The following PRICKLE2 variants were observed in gnomAD, a reference collection of about 807,000 sequenced individuals.
PRICKLE2 encodes prickle planar cell polarity protein 2, also known as prickle-like protein 2.
In PRICKLE2, 21 loss-of-function variants were observed where a neutral mutation model predicts 81.4. That is an observed-to-expected ratio of 0.26 (90% confidence interval 0.18 to 0.37). PRICKLE2 has a LOEUF of 0.37. Among genes scored for constraint, PRICKLE2 ranks in the 10% least tolerant of loss-of-function variants. The pLI is 1.00. For synonymous variants in PRICKLE2, 456 were observed against 421.5 expected (o/e 1.08, Z -1.00); for missense variants, 940 against 1,109.0 (o/e 0.85, Z 2.16).
intron 2 of PRICKLE2, among the ~76,000 whole-genome samples, chr3:64,244,162 C>G (rs696238): frequency 1.3e-5 from 2 of 152,140 alleles, no homozygotes; most frequent in African/African-American, 4.8e-5. Context: ...GGGAAGTTAC[C>G]GTATTTTGGC....
chr3:64,113,757 A>G (rs2076888425), intron 7 of PRICKLE2, among the ~76,000 whole-genome samples: 1 of 151,990 alleles, frequency 6.6e-6, no homozygotes, highest in Non-Finnish European at 1.5e-5. Context: ...CACAGAGAAC[A>G]GCGGACACCC....
intron 7 of PRICKLE2, among the ~76,000 whole-genome samples, chr3:64,131,286 T>G (rs188793026): frequency 5.9e-5 from 9 of 152,252 alleles, no homozygotes; most frequent in Admixed American, 5.2e-4. Flanking sequence ...TAGAAAGGGA[T>G]TTTTGAGGTA....
intron 7 of PRICKLE2, among the ~76,000 whole-genome samples, chr3:64,118,465 T>A (rs1419288892): frequency 1.3e-5 from 2 of 151,878 alleles, no homozygotes; most frequent in Admixed American, 6.6e-5. Context: ...AGGTCTAATA[T>A]CCAACATCTA....
intron 2 of PRICKLE2, among the ~76,000 whole-genome samples, chr3:64,191,251 CA>C (rs1476779265): frequency 6.6e-6 from 1 of 152,206 alleles, no homozygotes; most frequent in East Asian, 1.9e-4. Context: ...TCCCGGAAGC[CA>C]AACGTTCCTT....
intron 2 of PRICKLE2, among the ~76,000 whole-genome samples, chr3:64,266,603 C>G (rs1156663144): frequency 6.6e-6 from 1 of 152,152 alleles, no homozygotes; most frequent in Non-Finnish European, 1.5e-5. Context: ...ATCTGAATTG[C>G]CCAACAGGCT....
intron 2 of PRICKLE2, among the ~76,000 whole-genome samples, chr3:64,263,409 T>C (rs993217410): frequency 1.3e-5 from 2 of 152,220 alleles, no homozygotes; most frequent in African/African-American, 4.8e-5. Flanking sequence ...CTGGTCCATG[T>C]GCCCCAAAGA....
intron 2 of PRICKLE2, among the ~76,000 whole-genome samples, chr3:64,264,886 A>G (rs1338814318): frequency 1.3e-5 from 2 of 152,182 alleles, no homozygotes; most frequent in Non-Finnish European, 2.9e-5. Flanking sequence ...AGTGATAGGT[A>G]CAAGGATTTC....
intron 1 of PRICKLE2, among the ~76,000 whole-genome samples, chr3:64,206,776 G>A (rs1002901166): frequency 2.6e-5 from 4 of 152,246 alleles, no homozygotes; most frequent in Admixed American, 6.5e-5. Flanking sequence ...AAGGCCAGAG[G>A]TGGGAAAACA....
At chr3:64,240,131 A>C (rs1000269974) in intron 2 of PRICKLE2, among the ~76,000 whole-genome samples, 1 of 152,136 alleles carries the variant, frequency 6.6e-6, no homozygotes, top group East Asian at 1.9e-4. Flanking sequence ...AAAATAAATA[A>C]AATTTTCATT....
chr3:64,215,059 T>C (rs940813435), intron 1 of PRICKLE2, among the ~76,000 whole-genome samples: 16 of 152,150 alleles, frequency 1.1e-4, no homozygotes, highest in African/African-American at 3.6e-4. Context: ...CCACCACCGT[T>C]TGTTTTTTAA....
chr3:64,205,485 T>C (rs1419107090), intron 1 of PRICKLE2, among the ~76,000 whole-genome samples: 1 of 152,184 alleles, frequency 6.6e-6, no homozygotes, highest in Non-Finnish European at 1.5e-5. Context: ...GGATTCATCA[T>C]GAGTAGACTG....
intron 7 of PRICKLE2, chr3:64,100,130 A>C: frequency 1.7e-6 from 1 of 590,332 alleles, no homozygotes; most frequent in East Asian, 2.8e-5. Flanking sequence ...GGGGGCACTT[A>C]CTTAAAATGC....
intron 7 of PRICKLE2, chr3:64,101,242 T>C (rs2076656332): frequency 6.6e-6 from 1 of 152,192 alleles, no homozygotes; most frequent in Non-Finnish European, 1.5e-5. Flanking sequence ...GTCCAAGAAA[T>C]GGACAAGGGT....
At chr3:64,259,561 C>G (rs1319767437) in intron 2 of PRICKLE2, among the ~76,000 whole-genome samples, 1 of 152,190 alleles carries the variant, frequency 6.6e-6, no homozygotes, top group Non-Finnish European at 1.5e-5. Flanking sequence ...TCCTGATCCC[C>G]AGAACCTGAA....
At chr3:64,222,951 C>T (rs1011234828) in intron 1 of PRICKLE2, among the ~76,000 whole-genome samples, 3 of 152,146 alleles carry the variant, frequency 2.0e-5, no homozygotes, top group African/African-American at 7.2e-5. Context: ...AAATGATTTT[C>T]ATTATACCAG....
Position 64,213,721 on chromosome 3 carries a change from G to A in PRICKLE2, c.-41+11189C>T, listed in dbSNP as rs114415099. ...ACTTTTTTCAGAAAACATTTTCTGA[G>A]TATGTGCCAAGCTCTGTGTCAAACG... On this transcript the variant is annotated intron_variant, in intron 1 of 7. Coordinates refer to ENST00000638394, the MANE Select transcript of PRICKLE2 (RefSeq NM_198859.4). Among the ~76,000 whole-genome samples the A allele has an allele frequency of 7.0e-3, 1,059 of 152,140 alleles. 5 individuals are homozygous for A. Among genetic ancestry groups the A allele is most frequent in the Non-Finnish European group, 7.0e-3 (475 of 68,016 alleles).
At chr3:64,114,230 C>T (rs2076898763) in intron 7 of PRICKLE2, among the ~76,000 whole-genome samples, 1 of 151,370 alleles carries the variant, frequency 6.6e-6, no homozygotes, top group Non-Finnish European at 1.5e-5. Context: ...AGGTCAGCAA[C>T]CTCAAAGATT....
chr3:64,268,127 C>G (rs1192088727), intron 2 of PRICKLE2: 1 of 152,220 alleles, frequency 6.6e-6, no homozygotes, highest in African/African-American at 2.4e-5. Context: ...TGCGCAGCTC[C>G]GGATCCAGGA....
chr3:64,253,063 C>A (rs2079472956), intron 2 of PRICKLE2, among the ~76,000 whole-genome samples: 1 of 152,120 alleles, frequency 6.6e-6, no homozygotes, highest in South Asian at 2.1e-4. Context: ...TCCCACCTGA[C>A]CTTACAGAAA....
Sources: allele counts gnomAD v4.1 joint callset (sites outside exome capture counted in the v4.1 genomes callset), GRCh38; gene constraint gnomAD v4.1.1; transcripts MANE v1.5; gene names NCBI Gene and HGNC (gene_info 2026-07-23, HGNC 2026-07-21).